The following MFHAS1 variants were observed in gnomAD, a reference collection of about 807,000 sequenced individuals.
The protein encoded by MFHAS1 is malignant fibrous histiocytoma-amplified sequence 1.
MFHAS1 carries 50 observed loss-of-function variants against 70.4 expected under a neutral mutation model. The ratio of observed to expected loss-of-function variants is 0.71; its 90% CI spans 0.57 to 0.90. MFHAS1 has a LOEUF of 0.90. Among genes scored for constraint, MFHAS1 ranks in the 40% least tolerant of loss-of-function variants. MFHAS1 has a pLI of 0.00. For synonymous variants in MFHAS1, 952 were observed against 620.0 expected (o/e 1.54, Z -7.96); for missense variants, 1,795 against 1,347.6 (o/e 1.33, Z -5.20).
chr8:8,855,934 G>C (rs1808422497), intron 1 of MFHAS1, among the ~76,000 whole-genome samples: 1 of 152,146 alleles, frequency 6.6e-6, no homozygotes, highest in South Asian at 2.1e-4. Flanking sequence ...TAATGTGAAG[G>C]GGGTTATAAA....
chr8:8,805,532 T>C (rs1174148451), intron 1 of MFHAS1, among the ~76,000 whole-genome samples: 1 of 151,964 alleles, frequency 6.6e-6, no homozygotes, highest in Admixed American at 6.6e-5. Flanking sequence ...TTGAGGAGGC[T>C]GGGGAGGAGG....
chr8:8,802,163 G>A (rs1336244067), intron 1 of MFHAS1, among the ~76,000 whole-genome samples: 1 of 152,134 alleles, frequency 6.6e-6, no homozygotes, highest in Non-Finnish European at 1.5e-5. Context: ...AACACCAGAA[G>A]GGAGGGACAA....
At chr8:8,793,587 C>A (rs965952277) in intron 2 of MFHAS1, among the ~76,000 whole-genome samples, 3 of 152,222 alleles carry the variant, frequency 2.0e-5, no homozygotes, top group African/African-American at 7.2e-5. Flanking sequence ...CCATCACTCT[C>A]AATCCTCTCC....
intron 1 of MFHAS1, among the ~76,000 whole-genome samples, chr8:8,811,505 T>C (rs1806546917): frequency 6.6e-6 from 1 of 152,164 alleles, no homozygotes; most frequent in Non-Finnish European, 1.5e-5. Flanking sequence ...CTCAGACTCA[T>C]GGTCTCAAGT....
intron 1 of MFHAS1, among the ~76,000 whole-genome samples, chr8:8,854,956 C>A (rs1357639031): frequency 3.3e-5 from 5 of 152,084 alleles, no homozygotes; most frequent in Admixed American, 1.3e-4. Flanking sequence ...ATACCCCACG[C>A]TGGAGTGCAG....
chr8:8,817,003 GACACGAGCTTTAGTTCATCCA>G (rs1806771413), intron 1 of MFHAS1, among the ~76,000 whole-genome samples: 1 of 152,166 alleles, frequency 6.6e-6, no homozygotes, highest in African/African-American at 2.4e-5. Context: ...TTAAAAGTGA[GACACGAGCTTTAGTTCATCCA>G]ACACTATCCC....
chr8:8,886,789 G>C (rs1040102727), intron 1 of MFHAS1, among the ~76,000 whole-genome samples: 2 of 152,086 alleles, frequency 1.3e-5, no homozygotes, highest in Non-Finnish European at 2.9e-5. Context: ...AAACATAAAA[G>C]TAAACAATTT....
intron 1 of MFHAS1, among the ~76,000 whole-genome samples, chr8:8,870,543 C>T (rs1441912255): frequency 1.3e-5 from 2 of 152,078 alleles, no homozygotes; most frequent in Admixed American, 6.5e-5. Context: ...GTTGGGCTGC[C>T]AGTAATTTGT....
At position 8,892,414 on chromosome 8, in the gene MFHAS1, C is replaced by T; in HGVS notation, c.645G>A (p.Arg215=). 9 of 1,612,974 alleles carry T rather than the reference C, an allele frequency of 5.6e-6. No individual in the cohort carries two copies. Among genetic ancestry groups the T allele is most frequent in the Non-Finnish European group, 7.6e-6 (9 of 1,179,774 alleles). Residue 215 remains arginine (R), a synonymous_variant, in exon 1 of 3, where the codon CGG becomes CGA. Transcript: ENST00000276282. This position sits in a 1 kb window ranked among gnomAD's most constrained non-coding sequence, Gnocchi z 4.7. ...ALEELDVSSN[R]LRGLPEDISA... ...TGATATCCTCAGGCAGGCCCCGCAG[C>T]CGGTTGCTGGACACGTCCAGCTCCT...
chr8:8,862,819 G>A (rs1808717907), intron 1 of MFHAS1, among the ~76,000 whole-genome samples: 1 of 152,148 alleles, frequency 6.6e-6, no homozygotes, highest in African/African-American at 2.4e-5. Context: ...CGCATGTGTG[G>A]GGACAGGGAA....
In MFHAS1 at chr8:8,893,048, A is replaced by G. The variant is rs1035195940; in HGVS notation, c.11T>C (p.Met4Thr). Residue 4 changes from methionine (M) to threonine (T), a missense_variant, in exon 1 of 3, where the codon ATG becomes ACG. Coordinates refer to ENST00000276282, the MANE Select transcript of MFHAS1 (RefSeq NM_004225.3). MAG[M>T]DSGNLKTARL... Reference sequence around the variant, plus strand: ...CGCGGTCTTCAGGTTGCCACTGTCCATCCCAGCCATGGCGGGGCCCCGGGC... The same window carrying G: ...CGCGGTCTTCAGGTTGCCACTGTCCGTCCCAGCCATGGCGGGGCCCCGGGC... 2.7e-6 allele frequency: 4 copies of G among 1,504,066 alleles called. No homozygotes were observed. Among genetic ancestry groups the G allele is most frequent in the Non-Finnish European group, 3.5e-6 (4 of 1,133,522 alleles). 93.2% of individuals were successfully genotyped at this position (1,504,066 alleles called of 1,614,324 possible).
chr8:8,891,700 A>G lies in MFHAS1; in HGVS notation c.1359T>C (p.Pro453=). The change falls in exon 1 of 3, where the codon CCT becomes CCC. Residue 453 remains proline (P), a synonymous_variant. Coordinates refer to ENST00000276282, the MANE Select transcript of MFHAS1 (RefSeq NM_004225.3). The surrounding 1 kb of genome is among the most constrained non-coding windows in gnomAD (Gnocchi z 5.4). The stretch of plus-strand genomic sequence containing the variant: ...TGGTCACCTCGATGCCCTTGCTCAC[A>G]GGGGGAGGTGACGGTGGGTAGCACT... ...KEKCYPPSPP[P]VSKGIEVTSW... is the part of the protein sequence containing the mutation. 2 of 1,613,440 alleles carry G rather than the reference A, an allele frequency of 1.2e-6. No homozygotes were observed. Among genetic ancestry groups the G allele is most frequent in the Non-Finnish European group, 1.7e-6 (2 of 1,179,990 alleles).
At chr8:8,889,714 C>T (rs1809913486) in intron 1 of MFHAS1, among the ~76,000 whole-genome samples, 1 of 152,212 alleles carries the variant, frequency 6.6e-6, no homozygotes, top group Non-Finnish European at 1.5e-5. Flanking sequence ...CAGTAAGAGG[C>T]TAACATCGGA....
At chr8:8,827,787 T>C (rs1165713708) in intron 1 of MFHAS1, among the ~76,000 whole-genome samples, 1 of 152,156 alleles carries the variant, frequency 6.6e-6, no homozygotes, top group East Asian at 1.9e-4. Context: ...GTGACACGCT[T>C]TGGGGGGAAA....
chr8:8,846,089 C>A (rs561511837), intron 1 of MFHAS1, among the ~76,000 whole-genome samples: 1 of 151,838 alleles, frequency 6.6e-6, no homozygotes, highest in East Asian at 1.9e-4. Context: ...CCTGTCTCTA[C>A]TAAAAACACA....
intron 1 of MFHAS1, among the ~76,000 whole-genome samples, chr8:8,814,589 T>G (rs1806668502): frequency 6.6e-6 from 1 of 152,184 alleles, no homozygotes; most frequent in Non-Finnish European, 1.5e-5. Context: ...AAATGCTGAA[T>G]GAAAAGACAA....
At chr8:8,848,120 C>T (rs1351733616) in intron 1 of MFHAS1, among the ~76,000 whole-genome samples, 1 of 152,188 alleles carries the variant, frequency 6.6e-6, no homozygotes, top group Admixed American at 6.5e-5. Flanking sequence ...ACCCAGCCCG[C>T]CCAGGGCTGC....
intron 1 of MFHAS1, among the ~76,000 whole-genome samples, chr8:8,839,660 C>T (rs896292711): frequency 1.3e-5 from 2 of 152,228 alleles, no homozygotes; most frequent in Non-Finnish European, 2.9e-5. Context: ...CACCAAGCCA[C>T]TCTCAATAAA....
chr8:8,876,801 C>T (rs1446536405), intron 1 of MFHAS1, among the ~76,000 whole-genome samples: 1 of 151,972 alleles, frequency 6.6e-6, no homozygotes, highest in East Asian at 1.9e-4. Context: ...ACTTATCACT[C>T]TTCTAAATAG....
Sources: gnomAD v4.1 joint callset for allele counts (sites outside exome capture counted in the v4.1 genomes callset) on GRCh38, gnomAD v4.1.1 for gene constraint, Gnocchi (gnomAD v3.1) non-coding constraint, MANE v1.5 for transcripts, NCBI Gene and HGNC (gene_info 2026-07-23, HGNC 2026-07-21) for gene names.